DOCK1: variants seen among roughly 807,000 people sequenced by gnomAD.
DOCK1 encodes the protein dedicator of cytokinesis protein 1.
In DOCK1, 138 loss-of-function variants were observed where a neutral mutation model predicts 262.7. The ratio of observed to expected loss-of-function variants is 0.53; its 90% confidence interval spans 0.46 to 0.61. DOCK1 has a LOEUF of 0.61. Ranked by LOEUF, DOCK1 falls within the 20% of genes least tolerant of loss-of-function variation. DOCK1 has a pLI of 0.00. For missense variants in DOCK1, 1,908 were observed against 2,370.7 expected, an observed-to-expected ratio of 0.80 and a Z score of 4.05; for synonymous variants, 866 against 867.4, an observed-to-expected ratio of 1.00 and a Z score of 0.03.
intron 27 of DOCK1, among the ~76,000 whole-genome samples, chr10:127,227,160 C>T (rs529478818): frequency 2.0e-5 from 3 of 152,310 alleles, no homozygotes; most frequent in African/African-American, 7.2e-5. Context: ...GGATTGACAC[C>T]GTGGCCAGCC....
At chr10:127,192,580 G>A (rs772611408) in intron 27 of DOCK1, 1 of 152,190 alleles carries the variant, frequency 6.6e-6, no homozygotes, top group Non-Finnish European at 1.5e-5. Context: ...CGACTCAAAT[G>A]CACACTGAAT....
intron 29 of DOCK1, among the ~76,000 whole-genome samples, chr10:127,261,489 CTGTG>C (rs1184098676): frequency 4.4e-5 from 5 of 112,550 alleles, no homozygotes; most frequent in East Asian, 2.9e-4. Flanking sequence ...CCGTGCTCAT[CTGTG>C]TGTGTGCATG....
chr10:127,280,773 G>A (rs1368502223), intron 29 of DOCK1, among the ~76,000 whole-genome samples: 1 of 152,200 alleles, frequency 6.6e-6, no homozygotes, highest in African/African-American at 2.4e-5. Flanking sequence ...CTGTGCTGGT[G>A]TAGAATTGCA....
chr10:127,317,664 T>C (rs2062343105), intron 29 of DOCK1, among the ~76,000 whole-genome samples: 1 of 152,208 alleles, frequency 6.6e-6, no homozygotes, highest in Admixed American at 6.5e-5. Flanking sequence ...AATAGCAACT[T>C]AATACATGTC....
chr10:127,034,633 C>T (rs2043466950), intron 18 of DOCK1, among the ~76,000 whole-genome samples: 1 of 152,142 alleles, frequency 6.6e-6, no homozygotes, highest in Admixed American at 6.5e-5. Flanking sequence ...CTAATTTAAC[C>T]CAAAGGTGAC....
At chr10:127,174,902 T>C (rs1302181789) in intron 27 of DOCK1, among the ~76,000 whole-genome samples, 2 of 152,220 alleles carry the variant, frequency 1.3e-5, no homozygotes, top group African/African-American at 2.4e-5. Flanking sequence ...TTATACATTA[T>C]CAATATCATA....
At chr10:127,189,299 T>G (rs1420594625) in intron 27 of DOCK1, among the ~76,000 whole-genome samples, 3 of 152,190 alleles carry the variant, frequency 2.0e-5, no homozygotes, top group African/African-American at 7.2e-5. Context: ...TTTTAAATAA[T>G]TACTAGGAGT....
chr10:127,285,581 C>T (rs191830893), intron 29 of DOCK1, among the ~76,000 whole-genome samples: 6 of 152,294 alleles, frequency 3.9e-5, no homozygotes, highest in African/African-American at 7.2e-5. Flanking sequence ...AGTGGGACTC[C>T]GTGCTGAGGA....
At chr10:127,190,414 G>C (rs1464177527) in intron 27 of DOCK1, among the ~76,000 whole-genome samples, 1 of 152,130 alleles carries the variant, frequency 6.6e-6, no homozygotes, top group East Asian at 1.9e-4. Context: ...AGGATTCCCT[G>C]AGTTGGTAGC....
chr10:127,369,808 G>A lies in DOCK1; in HGVS notation c.3433-3973G>A, dbSNP rs146229127. Reference sequence around the variant, plus strand: ...GGGATGAAGTGCCACCGATTAATTAGTGTGTAATTAAGTTTCCAGAGCAGT... The same window carrying A: ...GGGATGAAGTGCCACCGATTAATTAATGTGTAATTAAGTTTCCAGAGCAGT... On this transcript the variant is annotated intron_variant, in intron 33 of 51. Transcript: ENST00000623213. Among the ~76,000 whole-genome samples, 186 of 152,314 alleles carry A rather than the reference G, an allele frequency of 1.2e-3. 1 individual carries two copies. The highest frequency in any genetic ancestry group is 3.9e-3 in the African/African-American group (162 of 41,560).
intron 29 of DOCK1, among the ~76,000 whole-genome samples, chr10:127,279,060 T>G (rs906247457): frequency 1.3e-5 from 2 of 152,204 alleles, no homozygotes; most frequent in East Asian, 1.9e-4. Context: ...TGTTCCTCCT[T>G]TATAGTTAAT....
chr10:127,154,898 G>T (rs11591276), intron 27 of DOCK1, among the ~76,000 whole-genome samples: 1 of 152,066 alleles, frequency 6.6e-6, no homozygotes, highest in Admixed American at 6.6e-5. Context: ...GTCCAGCCAC[G>T]TAGGAACAGC....
At chr10:127,116,382 C>G (rs1296126131) in intron 25 of DOCK1, among the ~76,000 whole-genome samples, 1 of 152,118 alleles carries the variant, frequency 6.6e-6, no homozygotes, top group Non-Finnish European at 1.5e-5. Context: ...GAGTAAAACT[C>G]TCCTTTTTAA....
intron 21 of DOCK1, among the ~76,000 whole-genome samples, chr10:127,051,784 T>G (rs1429423938): frequency 6.6e-6 from 1 of 152,152 alleles, no homozygotes; most frequent in African/African-American, 2.4e-5. Flanking sequence ...GGTTTCATTT[T>G]GTTGTCCAGG....
chr10:127,130,395 G>T (rs1453104324), intron 27 of DOCK1, among the ~76,000 whole-genome samples: 1 of 152,074 alleles, frequency 6.6e-6, no homozygotes, highest in Non-Finnish European at 1.5e-5. Flanking sequence ...CTTATTTAGG[G>T]TCTTTATGCT....
At chr10:127,125,713 C>T in intron 26 of DOCK1, 112 bp downstream of exon 26, 4 of 1,439,744 alleles carry the variant, frequency 2.8e-6, no homozygotes, top group African/African-American at 1.4e-5. Context: ...AAGGTCTAGC[C>T]TCTCTTTTTG....
chr10:127,006,947 G>T (rs112848888), intron 10 of DOCK1, among the ~76,000 whole-genome samples: 1 of 152,132 alleles, frequency 6.6e-6, no homozygotes, highest in Non-Finnish European at 1.5e-5. Context: ...GTTTATTGAA[G>T]GATGCTGAAC....
At chr10:127,328,537 T>C (rs1022114166) in intron 29 of DOCK1, among the ~76,000 whole-genome samples, 8 of 152,236 alleles carry the variant, frequency 5.3e-5, no homozygotes, top group African/African-American at 1.9e-4. Context: ...GGGTGGTGTT[T>C]GGTGATCAGA....
chr10:127,241,387 T>C (rs1273755247), intron 27 of DOCK1, among the ~76,000 whole-genome samples: 1 of 152,198 alleles, frequency 6.6e-6, no homozygotes, highest in East Asian at 1.9e-4. Flanking sequence ...CTAAATGTTC[T>C]TCCTTTCCTC....
Sources: gnomAD v4.1 joint callset for allele counts (sites outside exome capture counted in the v4.1 genomes callset) on GRCh38, gnomAD v4.1.1 for gene constraint, MANE v1.5 for transcripts, NCBI Gene and HGNC (gene_info 2026-07-23, HGNC 2026-07-21) for gene names.